The following DOP1B variants were observed in gnomAD, a reference collection of about 807,000 sequenced individuals.
DOP1B encodes the protein DOP1 leucine zipper like protein B.
Under a neutral mutation model 233.5 loss-of-function variants are expected in DOP1B, and 174 were observed. The observed-to-expected ratio is 0.75, with a 90% CI of 0.66 to 0.85. The LOEUF is 0.85. Ranked by LOEUF, DOP1B falls within the 40% of genes least tolerant of loss-of-function variation. The probability of loss-of-function intolerance (pLI) is 0.00; values close to 1 mark genes in which losing one functional copy is unlikely to be tolerated. For missense variants in DOP1B, 2,652 were observed against 2,846.6 expected, an observed-to-expected ratio of 0.93 and a Z score of 1.56; for synonymous variants, 1,190 against 1,185.6, an observed-to-expected ratio of 1.00 and a Z score of -0.08.
In DOP1B at chr21:36,247,514, C is replaced by A; in HGVS notation, c.4698-3C>A. On this transcript the variant is annotated splice_region_variant and splice_polypyrimidine_tract_variant and intron_variant, in intron 19 of 36. Coordinates refer to ENST00000691173, the MANE Select transcript of DOP1B (RefSeq NM_001320714.2). Reference sequence around the variant, plus strand: ...AAACCAGTTTCTCTTTTCTTCACCACAGCACAACCTCCAAGAGGGAAAACA... The same window carrying A: ...AAACCAGTTTCTCTTTTCTTCACCAAAGCACAACCTCCAAGAGGGAAAACA... 6.3e-7 allele frequency: 1 copy of A among 1,591,042 alleles called. No individual in the cohort carries two copies. The highest frequency in any genetic ancestry group is 8.5e-7 in the Non-Finnish European group (1 of 1,172,534).
intron 24 of DOP1B, among the ~76,000 whole-genome samples, chr21:36,262,901 A>G (rs1057513613): frequency 1.5e-5 from 2 of 133,446 alleles, no homozygotes; most frequent in African/African-American, 5.2e-5. Flanking sequence ...AAAAAACAAT[A>G]ATAAAATAAA....
intron 2 of DOP1B, chr21:36,168,918 T>A (rs145543135): frequency 1.5e-5 from 8 of 517,224 alleles, no homozygotes; most frequent in East Asian, 1.5e-4. Context: ...TTAATAATTT[T>A]AAAAAATAAC....
At chr21:36,210,172 G>A (rs1359104877) in intron 5 of DOP1B, among the ~76,000 whole-genome samples, 1 of 151,992 alleles carries the variant, frequency 6.6e-6, no homozygotes, top group East Asian at 1.9e-4. Flanking sequence ...GGGATGGGGA[G>A]AAAGCCTAGC....
At chr21:36,248,178 C>G (rs1336754135) in intron 20 of DOP1B, among the ~76,000 whole-genome samples, 1 of 152,170 alleles carries the variant, frequency 6.6e-6, no homozygotes, top group Non-Finnish European at 1.5e-5. Flanking sequence ...TTTAGAACAT[C>G]AGACTCACAG....
At chr21:36,211,258 GT>G (rs2066494104) in intron 5 of DOP1B, among the ~76,000 whole-genome samples, 1 of 152,152 alleles carries the variant, frequency 6.6e-6, no homozygotes, top group African/African-American at 2.4e-5. Context: ...TTAGTTTAAG[GT>G]TCCTGTTGGA....
chr21:36,168,894 GTTTT>G (rs375606002), intron 2 of DOP1B: 14 of 394,902 alleles, frequency 3.5e-5, no homozygotes, highest in Admixed American at 3.1e-4. Context: ...CTCCCTGTGG[GTTTT>G]TTTTTTTAAT....
At chr21:36,253,483 G>C (rs2067054832) in intron 22 of DOP1B, among the ~76,000 whole-genome samples, 1 of 152,146 alleles carries the variant, frequency 6.6e-6, no homozygotes, top group Non-Finnish European at 1.5e-5. Flanking sequence ...GAAGACCGAG[G>C]CGGGCAGATC....
intron 3 of DOP1B, 82 bp from the exon 4 acceptor site, chr21:36,200,249 A>G (rs2066345288): frequency 6.8e-7 from 1 of 1,480,100 alleles, no homozygotes; most frequent in Non-Finnish European, 8.9e-7. Context: ...GCTTGTGAAA[A>G]CTCCCCTCGG....
At chr21:36,262,391 C>T (rs2123640348) in intron 24 of DOP1B, among the ~76,000 whole-genome samples, 1 of 152,326 alleles carries the variant, frequency 6.6e-6, no homozygotes, top group East Asian at 1.9e-4. Flanking sequence ...CTGGGACACT[C>T]TGACTGTAGT....
intron 7 of DOP1B, among the ~76,000 whole-genome samples, chr21:36,213,471 G>A (rs2066523802): frequency 6.6e-6 from 1 of 151,882 alleles, no homozygotes; most frequent in Non-Finnish European, 1.5e-5. Context: ...CTCACATAAT[G>A]CTGGACAAAA....
chr21:36,250,683 A>G lies in DOP1B; in HGVS notation c.4999-479A>G, dbSNP rs1445325202. 7.2e-5 allele frequency among the ~76,000 whole-genome samples: 11 copies of G among 152,188 alleles called. No individual in the cohort carries two copies. In the East Asian group the frequency reaches 2.1e-3, roughly 29 times the overall value. ...TTTAAATTGATTACCTGATAAAATT[A>G]GTTAAATGGTGCTTATTTCTGGAAA... On this transcript the variant is annotated intron_variant, in intron 21 of 36. Coordinates refer to ENST00000691173, the MANE Select transcript of DOP1B (RefSeq NM_001320714.2).
intron 32 of DOP1B, among the ~76,000 whole-genome samples, chr21:36,282,101 A>G (rs78461026): frequency 0.01 from 1,578 of 152,270 alleles, 21 homozygotes; most frequent in African/African-American, 0.036. Context: ...TCAGAAGTAT[A>G]TTGGTAAATC....
intron 33 of DOP1B, 105 bp from the exon 34 acceptor site, chr21:36,288,651 A>C: frequency 2.5e-6 from 2 of 815,512 alleles, no homozygotes; most frequent in Non-Finnish European, 4.0e-6. Flanking sequence ...ACCCCGTCTT[A>C]TTCATTCATT....
chr21:36,189,866 T>A (rs568162920), intron 2 of DOP1B, among the ~76,000 whole-genome samples: 25 of 149,682 alleles, frequency 1.7e-4, no homozygotes, highest in Non-Finnish European at 3.2e-4. Flanking sequence ...AAAAGTTAGC[T>A]GGGCGTGGTG....
Position 36,232,948 on chromosome 21 carries a change from A to G in DOP1B, c.2495A>G (p.Glu832Gly), listed in dbSNP as rs1267165196. 6.2e-7 allele frequency: 1 copy of G among 1,614,008 alleles called. No homozygotes were observed. Among genetic ancestry groups the G allele is most frequent in the African/African-American group, 1.3e-5 (1 of 74,898 alleles). ...NHSQSLALVIEDKMKRYKSSG... is the reference protein window; with the variant it reads ...NHSQSLALVIGDKMKRYKSSG... Reference sequence around the variant, plus strand: ...TCCCAGTCCCTGGCGCTTGTCATTGAAGACAAGATGAAACGCTATAAGAGC... The same window carrying G: ...TCCCAGTCCCTGGCGCTTGTCATTGGAGACAAGATGAAACGCTATAAGAGC... Residue 832 changes from glutamate to glycine, a missense_variant, in exon 15 of 37, where the codon GAA becomes GGA. Around this residue, in one of 3 missense-constraint regions of DOP1B, gnomAD observed 2,617 missense variants for 2,794.3 expected, o/e 0.94. Transcript: ENST00000691173.
At chr21:36,159,789 G>A (rs1430223535) in intron 1 of DOP1B, among the ~76,000 whole-genome samples, 1 of 152,236 alleles carries the variant, frequency 6.6e-6, no homozygotes, top group South Asian at 2.1e-4. Context: ...AACTCTAGCT[G>A]CCCACACCTC....
At chr21:36,204,654 T>C (rs1043837334) in intron 4 of DOP1B, among the ~76,000 whole-genome samples, 1 of 111,448 alleles carries the variant, frequency 9.0e-6, no homozygotes, top group Non-Finnish European at 1.8e-5. Flanking sequence ...TGGCTGACAT[T>C]TCTATTTTTT....
At chr21:36,170,032 T>A in intron 2 of DOP1B, 3 of 734,024 alleles carry the variant, frequency 4.1e-6, no homozygotes, top group South Asian at 4.1e-5. Context: ...CATGCCAGCC[T>A]TGTATCCCAG....
At chr21:36,177,640 A>G (rs2066047204) in intron 2 of DOP1B, among the ~76,000 whole-genome samples, 1 of 152,212 alleles carries the variant, frequency 6.6e-6, no homozygotes, top group Non-Finnish European at 1.5e-5. Context: ...GTATGGATTA[A>G]TGCATTGATA....
Sources: allele counts gnomAD v4.1 joint callset (sites outside exome capture counted in the v4.1 genomes callset), GRCh38; gene constraint gnomAD v4.1.1; regional missense constraint gnomAD v4.1.1; transcripts MANE v1.5; gene names NCBI Gene and HGNC (gene_info 2026-07-23, HGNC 2026-07-21).